Variants in DENND5A observed in about 807,000 individuals in gnomAD.
The protein encoded by DENND5A is DENN domain containing 5A.
In DENND5A, 64 loss-of-function variants were observed where a neutral mutation model predicts 140.3. That is an observed-to-expected ratio of 0.46 (90% CI 0.37 to 0.56). DENND5A has a LOEUF of 0.56. DENND5A is among the 20% of genes least tolerant of loss of function. DENND5A has a pLI of 0.00. For missense variants in DENND5A, 1,292 were observed against 1,593.8 expected, an observed-to-expected ratio of 0.81 and a Z score of 3.22; for synonymous variants, 605 against 607.7, an observed-to-expected ratio of 1.00 and a Z score of 0.07.
At chr11:9,186,743 C>T (rs1237405417) in intron 5 of DENND5A, among the ~76,000 whole-genome samples, 1 of 152,146 alleles carries the variant, frequency 6.6e-6, no homozygotes, top group Non-Finnish European at 1.5e-5. Flanking sequence ...CACCACTAGC[C>T]ATTCTTTGCA....
intron 4 of DENND5A, among the ~76,000 whole-genome samples, chr11:9,194,493 T>C (rs1424098092): frequency 2.0e-5 from 3 of 150,992 alleles, no homozygotes; most frequent in Non-Finnish European, 4.4e-5. Context: ...TGCTTGAACC[T>C]GGGAGGCAGA....
intron 17 of DENND5A, 121 bp from the exon 18 acceptor site, chr11:9,145,234 A>G: frequency 2.7e-6 from 2 of 744,568 alleles, no homozygotes; most frequent in Non-Finnish European, 4.8e-6. Flanking sequence ...GCAGGCTTAG[A>G]GGTCATGGCT....
At position 9,168,128 on chromosome 11, in the gene DENND5A, G is replaced by A. The variant is rs1848251401; in HGVS notation, c.2151+1728C>T. On this transcript the variant is annotated intron_variant, in intron 10 of 22. Transcript: ENST00000328194. ...TTTTGTCTTTAGCAAAGAATTCCTTGATACCTCAGTGATATGGTTTGGCTG... is the reference window on the plus strand; with the variant it reads ...TTTTGTCTTTAGCAAAGAATTCCTTAATACCTCAGTGATATGGTTTGGCTG... 2.2e-5 allele frequency among the ~76,000 whole-genome samples: 3 copies of A among 133,570 alleles called. No homozygotes were observed. The South Asian group carries it at 7.5e-4, about 33-fold the overall frequency. The allele number at this position is 133,570 out of a possible 152,430, so 87.6% of individuals were successfully genotyped here.
At chr11:9,190,442 A>G (rs180862827) in intron 5 of DENND5A, among the ~76,000 whole-genome samples, 23 of 152,264 alleles carry the variant, frequency 1.5e-4, no homozygotes, top group African/African-American at 5.1e-4. Flanking sequence ...GTGATAGTGA[A>G]TAAGTCTCAC....
At chr11:9,169,424 C>T (rs1041943898) in intron 10 of DENND5A, among the ~76,000 whole-genome samples, 2 of 151,112 alleles carry the variant, frequency 1.3e-5, no homozygotes, top group East Asian at 2.0e-4. Context: ...CCAGCCTGGG[C>T]GATAAAAGCG....
chr11:9,244,306 G>A (rs745546064), intron 1 of DENND5A, among the ~76,000 whole-genome samples: 2 of 152,152 alleles, frequency 1.3e-5, no homozygotes, highest in Non-Finnish European at 2.9e-5. Context: ...CAGGTGATTA[G>A]GCCATGAGAG....
intron 1 of DENND5A, among the ~76,000 whole-genome samples, chr11:9,217,243 G>A (rs537873048): frequency 2.6e-5 from 4 of 152,080 alleles, no homozygotes. Flanking sequence ...GGCCAGGCGC[G>A]ATGGCTCATG....
chr11:9,188,315 T>G (rs1334291937), intron 5 of DENND5A, among the ~76,000 whole-genome samples: 1 of 152,224 alleles, frequency 6.6e-6, no homozygotes, highest in Non-Finnish European at 1.5e-5. Flanking sequence ...GAGGAACTGT[T>G]AAGTCCATTA....
At chr11:9,195,534 T>C (rs1375449495) in intron 4 of DENND5A, among the ~76,000 whole-genome samples, 1 of 152,216 alleles carries the variant, frequency 6.6e-6, no homozygotes, top group Non-Finnish European at 1.5e-5. Flanking sequence ...ATTAAAATGA[T>C]GTTATGCACT....
At chr11:9,201,214 AT>A (rs904005591) in intron 4 of DENND5A, among the ~76,000 whole-genome samples, 11 of 151,330 alleles carry the variant, frequency 7.3e-5, no homozygotes, top group East Asian at 1.9e-4. Flanking sequence ...AAAAAAAAAA[AT>A]TTTTTTTTAA....
chr11:9,208,777 T>C (rs1406019119), intron 1 of DENND5A, among the ~76,000 whole-genome samples: 1 of 152,236 alleles, frequency 6.6e-6, no homozygotes, highest in African/African-American at 2.4e-5. Context: ...TCTGAAACTT[T>C]CTTTTTGAGT....
intron 1 of DENND5A, among the ~76,000 whole-genome samples, chr11:9,251,218 T>C (rs1051360975): frequency 6.6e-6 from 1 of 150,634 alleles, no homozygotes; most frequent in African/African-American, 2.4e-5. Context: ...GTGAGAAACC[T>C]CTACAGACTT....
intron 8 of DENND5A, 189 bp downstream of exon 8, chr11:9,177,943 C>T: frequency 1.7e-6 from 1 of 601,276 alleles, no homozygotes; most frequent in African/African-American, 1.8e-5. Context: ...AGATCCATTC[C>T]TAACTAACAG....
chr11:9,144,291 CA>C lies in DENND5A; in HGVS notation c.3123-14del, dbSNP rs893982662. 6.2e-7 allele frequency: 1 copy of C among 1,613,188 alleles called. No homozygotes were observed. The highest frequency in any genetic ancestry group is 8.5e-7 in the Non-Finnish European group (1 of 1,179,878). ...GCCACACGGGAACCTGAAGATCAGA[CA>C]ATGGACTGTCAGAGCAGCCAGCTCC... On this transcript the variant is annotated splice_polypyrimidine_tract_variant and intron_variant, in intron 18 of 22. Transcript: ENST00000328194.
At chr11:9,183,312 T>C (rs1169201548) in intron 5 of DENND5A, among the ~76,000 whole-genome samples, 3 of 152,248 alleles carry the variant, frequency 2.0e-5, no homozygotes, top group East Asian at 1.9e-4. Flanking sequence ...TATATAACAA[T>C]AAATGTCAAG....
At chr11:9,181,181 A>C in intron 5 of DENND5A, 97 bp from the exon 6 acceptor site, 1 of 1,007,094 alleles carries the variant, frequency 9.9e-7, no homozygotes, top group Non-Finnish European at 1.5e-6. Flanking sequence ...AAAACAAAAC[A>C]CCTGAAATGG....
intron 1 of DENND5A, among the ~76,000 whole-genome samples, chr11:9,237,231 A>C (rs1472161124): frequency 6.6e-6 from 1 of 152,208 alleles, no homozygotes; most frequent in Non-Finnish European, 1.5e-5. Context: ...AGCCTGACCA[A>C]CATGGTAAAA....
intron 8 of DENND5A, among the ~76,000 whole-genome samples, chr11:9,172,717 C>T (rs1353648148): frequency 6.6e-6 from 1 of 152,202 alleles, no homozygotes; most frequent in Non-Finnish European, 1.5e-5. Flanking sequence ...GTCAATTAAA[C>T]CTCTTTCCTT....
At chr11:9,161,878 T>G (rs1372438756) in intron 11 of DENND5A, among the ~76,000 whole-genome samples, 1 of 151,698 alleles carries the variant, frequency 6.6e-6, no homozygotes, top group African/African-American at 2.4e-5. Flanking sequence ...ATAGTTTAAT[T>G]CTCTTAAGTA....
Sources: allele counts gnomAD v4.1 joint callset (sites outside exome capture counted in the v4.1 genomes callset), GRCh38; gene constraint gnomAD v4.1.1; transcripts MANE v1.5; gene names NCBI Gene and HGNC (gene_info 2026-07-23, HGNC 2026-07-21).